RFX3: variants seen among roughly 807,000 people sequenced by gnomAD.
The protein encoded by RFX3 is regulatory factor X3, also known as transcription factor RFX3.
Under a neutral mutation model 98.6 loss-of-function variants are expected in RFX3, and 14 were observed. The ratio of observed to expected loss-of-function variants is 0.14; its 90% CI spans 0.09 to 0.22. The LOEUF (loss-of-function observed/expected upper bound fraction) is 0.22. Ranked by LOEUF, RFX3 falls within the 10% of genes least tolerant of loss-of-function variation. RFX3 has a pLI of 1.00. For missense variants in RFX3, 639 were observed against 926.9 expected (o/e 0.69, Z 4.03); for synonymous variants, 383 against 328.4 (o/e 1.17, Z -1.80).
chr9:3,465,074 T>C (rs576855144), intron 1 of RFX3, among the ~76,000 whole-genome samples: 2 of 152,266 alleles, frequency 1.3e-5, no homozygotes, highest in South Asian at 4.1e-4. Context: ...GGGTGCTTTA[T>C]TAAAATAGAA....
intron 2 of RFX3, among the ~76,000 whole-genome samples, chr9:3,371,613 G>T (rs1002769317): frequency 3.9e-5 from 6 of 151,990 alleles, no homozygotes; most frequent in African/African-American, 1.2e-4. Flanking sequence ...TCCTGAAAAA[G>T]CAGCTATAGA....
chr9:3,245,783 G>A (rs998160696), intron 15 of RFX3, among the ~76,000 whole-genome samples: 2 of 152,022 alleles, frequency 1.3e-5, no homozygotes, highest in Non-Finnish European at 2.9e-5. Context: ...CAAACCATTT[G>A]CTGTGACTGG....
intron 15 of RFX3, among the ~76,000 whole-genome samples, chr9:3,242,611 C>T (rs1011363473): frequency 2.6e-5 from 4 of 152,056 alleles, no homozygotes; most frequent in Non-Finnish European, 5.9e-5. Context: ...ATTCTACTTC[C>T]ACCAAATGGA....
At chr9:3,495,728 G>A (rs546888399) in intron 1 of RFX3, among the ~76,000 whole-genome samples, 1 of 152,080 alleles carries the variant, frequency 6.6e-6, no homozygotes, top group African/African-American at 2.4e-5. Flanking sequence ...CATGTTCTGT[G>A]CCTCTTCCTT....
Position 3,218,944 on chromosome 9 carries a change from G to C in RFX3, c.*6098C>G, listed in dbSNP as rs1480314002. The C allele has an allele frequency of 6.6e-6, 1 of 151,948 alleles. No individual in the cohort carries two copies. Among genetic ancestry groups the C allele is most frequent in the Non-Finnish European group, 1.5e-5 (1 of 67,968 alleles). The allele number at this position is 151,948 out of a possible 1,614,324, so 9.4% of individuals were successfully genotyped here. A position where few individuals can be genotyped will look rare whatever the true frequency, so the allele number is the denominator to read the frequency against. On this transcript the variant is annotated 3_prime_UTR_variant, in exon 17 of 17. Coordinates refer to ENST00000617270, the MANE Select transcript of RFX3 (RefSeq NM_001282116.2). ...AGTATCTTAAAAAAACACAATGAAA[G>C]AAGTTTTACCTAGAAGGTACGAAAG...
intron 7 of RFX3, among the ~76,000 whole-genome samples, chr9:3,279,043 G>C (rs892900163): frequency 6.6e-6 from 1 of 151,834 alleles, no homozygotes; most frequent in Non-Finnish European, 1.5e-5. Flanking sequence ...TGATGTGCTA[G>C]ATGCCTTGTT....
At chr9:3,419,256 A>T (rs944533318) in intron 1 of RFX3, among the ~76,000 whole-genome samples, 3 of 152,350 alleles carry the variant, frequency 2.0e-5, no homozygotes, top group Admixed American at 6.5e-5. Context: ...ATGCTGTACT[A>T]TCAAATTGTA....
intron 7 of RFX3, among the ~76,000 whole-genome samples, chr9:3,277,831 C>G (rs994532394): frequency 2.6e-5 from 4 of 151,888 alleles, no homozygotes; most frequent in South Asian, 4.1e-4. Flanking sequence ...TTAATCTGAA[C>G]AATGATCTAG....
intron 3 of RFX3, among the ~76,000 whole-genome samples, chr9:3,343,831 C>A (rs78425248): frequency 0.11 from 16,310 of 152,214 alleles, 892 homozygotes; most frequent in Middle Eastern, 0.16. Context: ...TCCACACAGA[C>A]CAGATCAAAG....
intron 4 of RFX3, among the ~76,000 whole-genome samples, chr9:3,309,369 G>C (rs1039789208): frequency 6.6e-6 from 1 of 152,138 alleles, no homozygotes; most frequent in Non-Finnish European, 1.5e-5. Flanking sequence ...GGGAGACAGA[G>C]ACAGTGCAAT....
At chr9:3,414,183 G>T (rs1449227881) in intron 1 of RFX3, among the ~76,000 whole-genome samples, 1 of 151,944 alleles carries the variant, frequency 6.6e-6, no homozygotes, top group Non-Finnish European at 1.5e-5. Context: ...GACAAAACTA[G>T]GACACACATG....
chr9:3,504,907 TATATATAATATAACATATATTATATATA>T (rs1564185618), intron 1 of RFX3, among the ~76,000 whole-genome samples: 8 of 14,026 alleles, frequency 5.7e-4, no homozygotes, highest in African/African-American at 9.4e-4. Context: ...ATATTATATA[TATATATAATATAACATATATTATATATA>T]ATATATATAA....
chr9:3,372,703 A>G (rs1838002941), intron 2 of RFX3, among the ~76,000 whole-genome samples: 1 of 152,018 alleles, frequency 6.6e-6, no homozygotes, highest in Non-Finnish European at 1.5e-5. Context: ...CTCCTGCCTC[A>G]GCCTCCCGAG....
At chr9:3,384,522 T>G (rs1396138953) in intron 2 of RFX3, among the ~76,000 whole-genome samples, 1 of 152,158 alleles carries the variant, frequency 6.6e-6, no homozygotes, top group Non-Finnish European at 1.5e-5. Context: ...CCAACTACCT[T>G]GCAGGGTTGT....
At chr9:3,326,434 C>G (rs1831927597) in intron 4 of RFX3, among the ~76,000 whole-genome samples, 1 of 152,084 alleles carries the variant, frequency 6.6e-6, no homozygotes, top group Non-Finnish European at 1.5e-5. Flanking sequence ...ATTTCATCAC[C>G]TAGGTATTAA....
At chr9:3,395,360 T>C (rs2048203800) in intron 2 of RFX3, 112 bp downstream of exon 2, 7 of 1,201,584 alleles carry the variant, frequency 5.8e-6, no homozygotes, top group South Asian at 1.4e-5. Context: ...AAAACTGAAG[T>C]ATGCCTATCA....
intron 1 of RFX3, among the ~76,000 whole-genome samples, chr9:3,505,230 GA>G (rs1816847083): frequency 1.7e-5 from 1 of 58,358 alleles, no homozygotes; most frequent in Non-Finnish European, 2.4e-5. Flanking sequence ...ATTTATATAT[GA>G]ATATATATTT....
intron 4 of RFX3, among the ~76,000 whole-genome samples, chr9:3,321,937 T>C (rs1831369338): frequency 6.6e-6 from 1 of 152,106 alleles, no homozygotes; most frequent in Admixed American, 6.6e-5. Context: ...ATATATACAA[T>C]ATTCCTGCAT....
chr9:3,506,907 AG>A, intron 1 of RFX3, among the ~76,000 whole-genome samples: 1 of 152,074 alleles, frequency 6.6e-6, no homozygotes, highest in South Asian at 2.1e-4. Flanking sequence ...AAATAATAAA[AG>A]TAAGACTGCA....
Sources: allele counts gnomAD v4.1 joint callset (sites outside exome capture counted in the v4.1 genomes callset), GRCh38; gene constraint gnomAD v4.1.1; transcripts MANE v1.5; gene names NCBI Gene and HGNC (gene_info 2026-07-23, HGNC 2026-07-21).